Variants in XIRP2 observed in about 807,000 individuals in gnomAD.
XIRP2 encodes the protein xin actin-binding repeat-containing protein 2.
A neutral mutation model predicts 277.0 loss-of-function variants in XIRP2; 236 were observed. That is an observed-to-expected ratio of 0.85 (90% CI 0.77 to 0.95). The LOEUF (loss-of-function observed/expected upper bound fraction) is 0.95. Among genes scored for constraint, XIRP2 ranks in the 40% least tolerant of loss-of-function variants. The probability of loss-of-function intolerance (pLI) is 0.00; values close to 1 mark genes in which losing one functional copy is unlikely to be tolerated. For synonymous variants in XIRP2, 1,490 were observed against 1,416.5 expected (o/e 1.05, Z -1.17); for missense variants, 4,640 against 4,157.5 (o/e 1.12, Z -3.19).
At chr2:166,905,646 G>A (rs1002900751) in intron 2 of XIRP2, among the ~76,000 whole-genome samples, 14 of 151,800 alleles carry the variant, frequency 9.2e-5, no homozygotes, top group African/African-American at 3.1e-4. Context: ...ATGAAACAAG[G>A]TTGATGGATT....
chr2:167,183,685 G>T (rs933441803), intron 3 of XIRP2, among the ~76,000 whole-genome samples: 4 of 150,804 alleles, frequency 2.7e-5, no homozygotes, highest in African/African-American at 9.7e-5. Flanking sequence ...TATATCAATT[G>T]TGATTATTTT....
chr2:167,176,785 G>A (rs1333233717), intron 3 of XIRP2, among the ~76,000 whole-genome samples: 1 of 152,172 alleles, frequency 6.6e-6, no homozygotes, highest in Admixed American at 6.5e-5. Flanking sequence ...ACATTAGTGA[G>A]TGGAATTGGA....
At chr2:167,066,345 G>T (rs1574220495) in intron 2 of XIRP2, among the ~76,000 whole-genome samples, 1 of 151,892 alleles carries the variant, frequency 6.6e-6, no homozygotes, top group South Asian at 2.1e-4. Context: ...CTCTAAAGAA[G>T]ACTTTCAAAT....
chr2:167,025,142 G>C (rs1688114067), intron 2 of XIRP2, among the ~76,000 whole-genome samples: 1 of 152,044 alleles, frequency 6.6e-6, no homozygotes, highest in Admixed American at 6.6e-5. Context: ...TCCTGTTATT[G>C]GTCTATTCAG....
At position 166,888,545 on chromosome 2, in the gene XIRP2, A is replaced by G. The variant is rs1337773333; in HGVS notation, c.-31A>G. The G allele has an allele frequency of 2.0e-5, 3 of 152,204 alleles. No individual in the cohort carries two copies. The highest frequency in any genetic ancestry group is 4.4e-5 in the Non-Finnish European group (3 of 68,046). 9.4% of individuals were successfully genotyped at this position (152,204 alleles called of 1,614,324 possible). On this transcript the variant is annotated 5_prime_UTR_variant, in exon 1 of 11. An upstream start codon of the reference 5' UTR is lost. Coordinates refer to ENST00000409195, the MANE Select transcript of XIRP2 (RefSeq NM_152381.6). ...GGGAACATCTGGTAGGGACTGGGACATGTAGAAAAAAGGTAAGATTTTCCT... is the reference window on the plus strand; with the variant it reads ...GGGAACATCTGGTAGGGACTGGGACGTGTAGAAAAAAGGTAAGATTTTCCT...
rs1375235964 is a variant in XIRP2 at position 167,251,541 on chromosome 2, C to G, written c.10149C>G (p.Asn3383Lys). The change falls in exon 9 of 11, where the codon AAC becomes AAG. Residue 3383 changes from asparagine to lysine, a missense_variant. Asn to Lys is a moderately conservative substitution (Grantham distance 94). Transcript: ENST00000409195. ...KEEFGLTSLG[N>K]TSFTDFSCKH... ...AATTTGGATTAACATCTTTAGGAAA[C>G]ACGAGTTTTACAGACTTTTCTTGCA... 6.2e-7 allele frequency: 1 copy of G among 1,613,526 alleles called. No homozygotes were observed. Among genetic ancestry groups the G allele is most frequent in the Admixed American group, 1.7e-5 (1 of 59,972 alleles).
At position 167,258,529 on chromosome 2, in the gene XIRP2, C is replaced by A; in HGVS notation, c.*712C>A. On this transcript the variant is annotated 3_prime_UTR_variant, in exon 11 of 11. Transcript: ENST00000409195. Reference sequence around the variant, plus strand: ...AAAGTGCTATGGATCTTAATGACAACAATAATGTGATTGTGCAGAGTGCTG... The same window carrying A: ...AAAGTGCTATGGATCTTAATGACAAAAATAATGTGATTGTGCAGAGTGCTG... 1.2e-6 allele frequency: 2 copies of A among 1,612,710 alleles called. No individual in the cohort carries two copies. Among genetic ancestry groups the A allele is most frequent in the Non-Finnish European group, 1.7e-6 (2 of 1,179,386 alleles).
chr2:167,159,704 AC>A (rs1692307915), intron 3 of XIRP2, among the ~76,000 whole-genome samples: 4 of 152,154 alleles, frequency 2.6e-5, no homozygotes, highest in Non-Finnish European at 5.9e-5. Context: ...AAAGGAACTT[AC>A]TCATATATTA....
rs117422694 is a variant in XIRP2, at chr2:166,976,271, T to C, written c.408+72381T>C. ...TTCCTCTCTCCCCCTTATTGTTATG[T>C]GTGAAGGCAAGTCTATTCTTTTATC... On this transcript the variant is annotated intron_variant, in intron 2 of 10. Coordinates refer to ENST00000409195, the MANE Select transcript of XIRP2 (RefSeq NM_152381.6). 5.4e-4 allele frequency among the ~76,000 whole-genome samples: 83 copies of C among 152,310 alleles called. 1 individual carries two copies. The East Asian group carries it at 9.3e-3, about 17-fold the overall frequency.
At chr2:167,170,123 A>C (rs1328577710) in intron 3 of XIRP2, among the ~76,000 whole-genome samples, 1 of 152,168 alleles carries the variant, frequency 6.6e-6, no homozygotes, top group Non-Finnish European at 1.5e-5. Flanking sequence ...GCTGCCAAGT[A>C]CGTTTCTTCA....
intron 2 of XIRP2, among the ~76,000 whole-genome samples, chr2:167,075,627 A>T (rs374878759): frequency 1.3e-5 from 2 of 152,218 alleles, no homozygotes; most frequent in African/African-American, 4.8e-5. Flanking sequence ...AAGAGATTTA[A>T]GAATTCTGTT....
chr2:166,976,236 G>A (rs976702933), intron 2 of XIRP2, among the ~76,000 whole-genome samples: 3 of 152,064 alleles, frequency 2.0e-5, no homozygotes, highest in African/African-American at 7.2e-5. Flanking sequence ...ATATCTCCTT[G>A]TTATCTGGTT....
At chr2:167,016,953 G>T (rs1687843312) in intron 2 of XIRP2, among the ~76,000 whole-genome samples, 1 of 151,950 alleles carries the variant, frequency 6.6e-6, no homozygotes, top group Non-Finnish European at 1.5e-5. Context: ...GGTGAAGTAT[G>T]GCCTTAAGGT....
intron 2 of XIRP2, among the ~76,000 whole-genome samples, chr2:166,935,324 C>G (rs1357630846): frequency 1.3e-5 from 2 of 151,994 alleles, no homozygotes; most frequent in Non-Finnish European, 2.9e-5. Context: ...ATAAAAGAGA[C>G]TAATAGGCCA....
chr2:166,929,960 T>C (rs1685285652), intron 2 of XIRP2, among the ~76,000 whole-genome samples: 1 of 152,108 alleles, frequency 6.6e-6, no homozygotes, highest in South Asian at 2.1e-4. Flanking sequence ...TAGTTAGAGG[T>C]TGGGATACAG....
At chr2:167,223,521 A>G (rs527320783) in intron 5 of XIRP2, among the ~76,000 whole-genome samples, 2 of 152,356 alleles carry the variant, frequency 1.3e-5, no homozygotes, top group South Asian at 4.1e-4. Context: ...CATTTTTGAC[A>G]GCTTGTGACA....
Position 167,259,217 on chromosome 2 carries a change from G to A in XIRP2, c.*1400G>A. 6.2e-7 allele frequency: 1 copy of A among 1,613,440 alleles called. No individual in the cohort carries two copies. Among genetic ancestry groups the A allele is most frequent in the Non-Finnish European group, 8.5e-7 (1 of 1,179,634 alleles). On this transcript the variant is annotated 3_prime_UTR_variant, in exon 11 of 11. Coordinates refer to ENST00000409195, the MANE Select transcript of XIRP2 (RefSeq NM_152381.6). ...TTGGCATGTTGAAACAACAGAAGCT[G>A]CCCGCAATAATGAAAACACAGGTTT...
At chr2:166,910,181 G>A (rs551861491) in intron 2 of XIRP2, among the ~76,000 whole-genome samples, 1 of 152,312 alleles carries the variant, frequency 6.6e-6, no homozygotes, top group African/African-American at 2.4e-5. Flanking sequence ...AGTTTCAGAA[G>A]GAATGGTACC....
Position 167,239,887 on chromosome 2 carries a change from A to AAGAAGC in XIRP2, c.894_899dup (p.Arg298_Ser299dup). The AAGAAGC allele has an allele frequency of 6.2e-7, 1 of 1,610,566 alleles. No homozygotes were observed. The highest frequency in any genetic ancestry group is 8.5e-7 in the Non-Finnish European group (1 of 1,178,758). The stretch of plus-strand genomic sequence containing the variant: ...TTCATAGCAGCCAGGTTGGCACTTC[A>AAGAAGC]AGAAGCAGCCAGGAAATGGCAAGAA... On this transcript the variant is annotated inframe_insertion, in exon 6 of 11. Transcript: ENST00000409195.
Sources: gnomAD v4.1 joint callset for allele counts (sites outside exome capture counted in the v4.1 genomes callset) on GRCh38, gnomAD v4.1.1 for gene constraint, MANE v1.5 for transcripts, NCBI Gene and HGNC (gene_info 2026-07-23, HGNC 2026-07-21) for gene names.